VPS8: variants seen among roughly 807,000 people sequenced by gnomAD.
VPS8 encodes vacuolar protein sorting-associated protein 8 homolog.
A neutral mutation model predicts 216.4 loss-of-function variants in VPS8; 129 were observed. The ratio of observed to expected loss-of-function variants is 0.60; its 90% CI spans 0.52 to 0.69. The LOEUF (loss-of-function observed/expected upper bound fraction) is 0.69. VPS8 is among the 30% of genes least tolerant of loss of function. The probability of loss-of-function intolerance (pLI) is 0.00; values close to 1 mark genes in which losing one functional copy is unlikely to be tolerated. For synonymous variants in VPS8, 571 were observed against 565.4 expected (o/e 1.01, Z -0.14); for missense variants, 1,531 against 1,683.5 (o/e 0.91, Z 1.59).
chr3:184,950,930 G>A (rs937495125), intron 36 of VPS8, among the ~76,000 whole-genome samples: 2 of 152,168 alleles, frequency 1.3e-5, no homozygotes, highest in Non-Finnish European at 2.9e-5. Flanking sequence ...GTATTGCATG[G>A]TGTATATGTA....
At chr3:185,037,380 G>A (rs562517440) in intron 46 of VPS8, among the ~76,000 whole-genome samples, 1 of 151,996 alleles carries the variant, frequency 6.6e-6, no homozygotes, top group South Asian at 2.1e-4. Context: ...TTTTCACATT[G>A]TTACTGACTT....
At position 184,853,987 on chromosome 3, in the gene VPS8, T is replaced by C. The variant is rs1724779043; in HGVS notation, c.952T>C (p.Leu318=). 6.2e-7 allele frequency: 1 copy of C among 1,613,652 alleles called. No individual in the cohort carries two copies. The highest frequency in any genetic ancestry group is 8.5e-7 in the Non-Finnish European group (1 of 1,179,780). The change falls in exon 12 of 48, where the codon TTG becomes CTG. Residue 318 remains leucine, a synonymous_variant. Coordinates refer to ENST00000625842, the MANE Select transcript of VPS8 (RefSeq NM_001009921.3). ...TCATCCCATCACACAGTTTTCATTA[T>C]TGGCCATGGCATCCTTGACAAAAGT... ...KDHPITQFSL[L]AMASLTKILV...
chr3:184,904,487 T>C (rs1247931174), intron 25 of VPS8, among the ~76,000 whole-genome samples: 2 of 152,250 alleles, frequency 1.3e-5, no homozygotes, highest in Non-Finnish European at 2.9e-5. Context: ...TTTATTGATA[T>C]GATCTGTTTA....
chr3:184,926,702 C>T (rs993298082), intron 31 of VPS8, 52 bp downstream of exon 31: 1 of 1,528,842 alleles, frequency 6.5e-7, no homozygotes, highest in African/African-American at 1.4e-5. Context: ...AAGAGTAAGC[C>T]AGAAAGAATT....
At chr3:185,032,121 G>A (rs921009692) in intron 46 of VPS8, among the ~76,000 whole-genome samples, 6 of 151,948 alleles carry the variant, frequency 3.9e-5, no homozygotes, top group Admixed American at 1.3e-4. Flanking sequence ...CTGAGATTGC[G>A]CCATTGCACT....
intron 46 of VPS8, among the ~76,000 whole-genome samples, chr3:185,036,664 A>T (rs9848695): frequency 0.33 from 50,387 of 151,498 alleles, 11,119 homozygotes; most frequent in African/African-American, 0.63. Flanking sequence ...GTAGCTTAAT[A>T]CCATTTATAT....
intron 36 of VPS8, among the ~76,000 whole-genome samples, chr3:184,949,166 G>GCA (rs1744216030): frequency 1.3e-5 from 2 of 152,118 alleles, no homozygotes; most frequent in South Asian, 4.2e-4. Flanking sequence ...GCGTGGTGGT[G>GCA]CACACCTAGA....
intron 30 of VPS8, among the ~76,000 whole-genome samples, chr3:184,925,396 A>G (rs1739408843): frequency 6.6e-6 from 1 of 152,212 alleles, no homozygotes. Flanking sequence ...CACAGGTGGC[A>G]AAGAAAATAC....
intron 46 of VPS8, among the ~76,000 whole-genome samples, chr3:185,046,320 G>C (rs960371679): frequency 1.3e-5 from 2 of 152,188 alleles, no homozygotes; most frequent in Non-Finnish European, 2.9e-5. Flanking sequence ...ATGTATCTTT[G>C]TGACATTGCC....
intron 34 of VPS8, among the ~76,000 whole-genome samples, chr3:184,935,532 T>C (rs1380803358): frequency 6.6e-6 from 1 of 152,202 alleles, no homozygotes; most frequent in Non-Finnish European, 1.5e-5. Flanking sequence ...CTTTGTGTTT[T>C]AGCCGTGTAT....
intron 15 of VPS8, among the ~76,000 whole-genome samples, chr3:184,860,974 C>A (rs1002420949): frequency 1.1e-4 from 17 of 151,838 alleles, no homozygotes; most frequent in Non-Finnish European, 2.2e-4. Context: ...GGTGCCCCCC[C>A]ATCACGCCTG....
intron 43 of VPS8, among the ~76,000 whole-genome samples, chr3:184,995,011 C>T (rs928084240): frequency 6.6e-6 from 1 of 152,206 alleles, no homozygotes; most frequent in Non-Finnish European, 1.5e-5. Context: ...GAGAACAACA[C>T]AGGAAAGACC....
chr3:185,040,395 T>C (rs1216079541), intron 46 of VPS8, among the ~76,000 whole-genome samples: 1 of 152,172 alleles, frequency 6.6e-6, no homozygotes, highest in East Asian at 1.9e-4. Flanking sequence ...GTGATGCCAA[T>C]TGATCCTGGT....
chr3:184,890,963 A>G (rs561646679), intron 22 of VPS8, among the ~76,000 whole-genome samples: 2 of 152,100 alleles, frequency 1.3e-5, no homozygotes, highest in South Asian at 4.1e-4. Flanking sequence ...TATGCAAAAT[A>G]TAGGCTATAT....
At chr3:185,039,135 G>C (rs1759298383) in intron 46 of VPS8, among the ~76,000 whole-genome samples, 2 of 152,194 alleles carry the variant, frequency 1.3e-5, no homozygotes, top group African/African-American at 4.8e-5. Context: ...AGTTCTGAAG[G>C]TGGGGAAGGG....
intron 3 of VPS8, among the ~76,000 whole-genome samples, chr3:184,832,090 T>C (rs777782174): frequency 2.6e-5 from 4 of 152,226 alleles, no homozygotes; most frequent in African/African-American, 4.8e-5. Flanking sequence ...TCTAGTGTAA[T>C]GGCATATAAG....
chr3:184,949,010 A>G (rs544698539), intron 36 of VPS8, among the ~76,000 whole-genome samples: 1 of 152,280 alleles, frequency 6.6e-6, no homozygotes, highest in Admixed American at 6.5e-5. Flanking sequence ...ATTTTATTAA[A>G]ATTTGAAAGA....
rs78004904 is a variant in VPS8, at chr3:184,824,556, C to G, written c.-77C>G. On this transcript the variant is annotated 5_prime_UTR_variant, in exon 2 of 48. Coordinates refer to ENST00000625842, the MANE Select transcript of VPS8 (RefSeq NM_001009921.3). ...CTTTTTTTGAAAAGAGATAATCATT[C>G]AGGTCTTCGTGAGCTAAGGCCAAAC... is the stretch of plus-strand genomic sequence containing the variant. 0.019 allele frequency: 26,271 copies of G among 1,409,238 alleles called. 328 individuals carry two copies. The highest frequency in any genetic ancestry group is 0.022 in the Non-Finnish European group (23,304 of 1,035,752). The allele number at this position is 1,409,238 out of a possible 1,614,324, so 87.3% of individuals were successfully genotyped here. A position where few individuals can be genotyped will look rare whatever the true frequency, so the allele number is the denominator to read the frequency against.
At chr3:184,856,889 A>AT in intron 14 of VPS8, among the ~76,000 whole-genome samples, 1 of 152,230 alleles carries the variant, frequency 6.6e-6, no homozygotes. Flanking sequence ...TTAAAAAAAA[A>AT]CAAAAGAGGG....
Sources: allele counts gnomAD v4.1 joint callset (sites outside exome capture counted in the v4.1 genomes callset), GRCh38; gene constraint gnomAD v4.1.1; transcripts MANE v1.5; gene names NCBI Gene and HGNC (gene_info 2026-07-23, HGNC 2026-07-21).